The following CDH18 variants were observed in gnomAD, a reference collection of about 807,000 sequenced individuals.
CDH18 encodes the protein cadherin-18.
A neutral mutation model predicts 67.9 loss-of-function variants in CDH18; 31 were observed. The observed-to-expected ratio is 0.46, with a 90% CI of 0.34 to 0.62. The LOEUF (loss-of-function observed/expected upper bound fraction) is 0.62, where lower values mean the gene tolerates loss of function less well. CDH18 is among the 20% of genes least tolerant of loss of function. The pLI is 0.01. For missense variants in CDH18, 890 were observed against 975.5 expected (o/e 0.91, Z 1.17); for synonymous variants, 362 against 347.2 (o/e 1.04, Z -0.48).
intron 2 of CDH18, among the ~76,000 whole-genome samples, chr5:19,854,128 G>A (rs1321696081): frequency 6.6e-6 from 1 of 151,976 alleles, no homozygotes; most frequent in Non-Finnish European, 1.5e-5. Context: ...TGGACATTAG[G>A]ATAATTTTGG....
rs1346847138 is a variant in CDH18 at position 20,096,020 on chromosome 5, A to C, written c.-517-104006T>G. ...CAATTTTTAAAAGCGATTTGAAAGG[A>C]GAGCTTATATATGTTACATTAGAAT... On this transcript the variant is annotated intron_variant, in intron 2 of 14. Transcript: ENST00000507958. Among the ~76,000 whole-genome samples the C allele has an allele frequency of 5.3e-5, 8 of 152,228 alleles. 1 individual carries two copies. The highest frequency in any genetic ancestry group is 1.7e-4 in the African/African-American group (7 of 41,566).
chr5:19,718,118 C>A (rs1765563880), intron 5 of CDH18, among the ~76,000 whole-genome samples: 1 of 151,938 alleles, frequency 6.6e-6, no homozygotes, highest in Admixed American at 6.6e-5. Flanking sequence ...GATACAGCTA[C>A]TCAGAGATGG....
At chr5:19,703,177 C>T (rs1209662025) in intron 5 of CDH18, among the ~76,000 whole-genome samples, 1 of 152,146 alleles carries the variant, frequency 6.6e-6, no homozygotes, top group African/African-American at 2.4e-5. Context: ...GTCTCCACGA[C>T]TGAGCTGGTC....
intron 8 of CDH18, among the ~76,000 whole-genome samples, chr5:19,553,169 G>A (rs745333789): frequency 6.6e-6 from 1 of 151,956 alleles, no homozygotes; most frequent in African/African-American, 2.4e-5. Flanking sequence ...CCTTTGATTA[G>A]GTATACATTC....
intron 5 of CDH18, among the ~76,000 whole-genome samples, chr5:19,665,851 T>C (rs929444473): frequency 6.6e-6 from 1 of 151,978 alleles, no homozygotes; most frequent in Non-Finnish European, 1.5e-5. Context: ...AACACAGAAC[T>C]TTAGATTTTT....
intron 2 of CDH18, among the ~76,000 whole-genome samples, chr5:20,034,144 C>T (rs746563128): frequency 3.9e-5 from 6 of 151,932 alleles, no homozygotes; most frequent in Admixed American, 6.6e-5. Context: ...TGTGACTGTA[C>T]ATGAAAATGA....
At chr5:19,830,247 C>T (rs1485264459) in intron 3 of CDH18, among the ~76,000 whole-genome samples, 1 of 152,082 alleles carries the variant, frequency 6.6e-6, no homozygotes. Context: ...ACAGAGTTAA[C>T]AGACAACTTA....
intron 2 of CDH18, among the ~76,000 whole-genome samples, chr5:19,930,348 A>G (rs1793548457): frequency 6.6e-6 from 1 of 152,050 alleles, no homozygotes; most frequent in South Asian, 2.1e-4. Flanking sequence ...ATATGTGTAC[A>G]CACTGAAGAA....
At chr5:19,788,882 T>G (rs1776080892) in intron 3 of CDH18, among the ~76,000 whole-genome samples, 1 of 152,196 alleles carries the variant, frequency 6.6e-6, no homozygotes, top group Admixed American at 6.6e-5. Context: ...ATGGCCTTTC[T>G]CTTCTATTTT....
At chr5:19,925,895 G>A (rs1183810270) in intron 2 of CDH18, among the ~76,000 whole-genome samples, 1 of 152,076 alleles carries the variant, frequency 6.6e-6, no homozygotes, top group Non-Finnish European at 1.5e-5. Context: ...TACATTTGTT[G>A]ATTCAACTGG....
chr5:19,598,248 T>C (rs1318102479), intron 6 of CDH18, among the ~76,000 whole-genome samples: 2 of 152,162 alleles, frequency 1.3e-5, no homozygotes, highest in African/African-American at 4.8e-5. Flanking sequence ...CTATTCCTTA[T>C]ATACACACTC....
chr5:20,409,821 T>C (rs904955570), intron 1 of CDH18, among the ~76,000 whole-genome samples: 2 of 151,626 alleles, frequency 1.3e-5, no homozygotes, highest in Admixed American at 6.6e-5. Context: ...TTATGAATGA[T>C]GTCACAGAAA....
At chr5:20,488,421 G>A (rs1165216322) in intron 1 of CDH18, among the ~76,000 whole-genome samples, 1 of 152,018 alleles carries the variant, frequency 6.6e-6, no homozygotes, top group Non-Finnish European at 1.5e-5. Flanking sequence ...TGCAGGGGAT[G>A]TGGATTCCTT....
chr5:20,242,631 T>TATACATATATATATATATAC (rs1264567583), intron 2 of CDH18, among the ~76,000 whole-genome samples: 2 of 91,302 alleles, frequency 2.2e-5, no homozygotes, highest in African/African-American at 5.9e-5. Context: ...TATATATATA[T>TATACATATATATATATATAC]ATGTATATAT....
At chr5:20,176,021 G>C (rs1456462643) in intron 2 of CDH18, among the ~76,000 whole-genome samples, 1 of 152,068 alleles carries the variant, frequency 6.6e-6, no homozygotes, top group Non-Finnish European at 1.5e-5. Flanking sequence ...CTCAATTCCA[G>C]AGCAGTTTAA....
At chr5:19,936,999 T>TTTTCA (rs1794348303) in intron 2 of CDH18, among the ~76,000 whole-genome samples, 1 of 151,328 alleles carries the variant, frequency 6.6e-6, no homozygotes, top group Non-Finnish European at 1.5e-5. Flanking sequence ...ATATATACTC[T>TTTTCA]TTTCAAGTAT....
At chr5:20,084,798 C>T (rs1425130452) in intron 2 of CDH18, among the ~76,000 whole-genome samples, 1 of 152,218 alleles carries the variant, frequency 6.6e-6, no homozygotes, top group African/African-American at 2.4e-5. Context: ...TGGCCCCTTT[C>T]AGCCATGGCT....
chr5:19,494,455 G>T (rs1438625843), intron 11 of CDH18, among the ~76,000 whole-genome samples: 1 of 152,176 alleles, frequency 6.6e-6, no homozygotes, highest in Non-Finnish European at 1.5e-5. Flanking sequence ...GCAGCAAGCT[G>T]TTTCTAGAGT....
chr5:20,387,887 T>C (rs1464389421), intron 1 of CDH18, among the ~76,000 whole-genome samples: 1 of 151,136 alleles, frequency 6.6e-6, no homozygotes, highest in Admixed American at 6.6e-5. Context: ...TTGCGTATGT[T>C]GAACCAGCCT....
Sources: allele counts gnomAD v4.1 joint callset (sites outside exome capture counted in the v4.1 genomes callset), GRCh38; gene constraint gnomAD v4.1.1; transcripts MANE v1.5; gene names NCBI Gene and HGNC (gene_info 2026-07-23, HGNC 2026-07-21).